Variants in SV2B observed in about 807,000 individuals in gnomAD.
SV2B encodes synaptic vesicle glycoprotein 2B, also known as solute carrier family 22 member B2.
A neutral mutation model predicts 73.9 loss-of-function variants in SV2B; 41 were observed. The ratio of observed to expected loss-of-function variants is 0.56; its 90% CI spans 0.43 to 0.72. SV2B has a LOEUF of 0.72. SV2B is among the 30% of genes least tolerant of loss of function. SV2B has a pLI of 0.00. For synonymous variants in SV2B, 314 were observed against 314.2 expected (o/e 1.00, Z 0.01); for missense variants, 764 against 857.8 (o/e 0.89, Z 1.37).
intron 9 of SV2B, among the ~76,000 whole-genome samples, chr15:91,273,740 C>A (rs914714058): frequency 2.0e-5 from 3 of 152,120 alleles, no homozygotes; most frequent in Non-Finnish European, 2.9e-5. Flanking sequence ...TTTATAAAAT[C>A]ATAAACTATG....
At chr15:91,185,019 C>T (rs1474395198) in intron 1 of SV2B, among the ~76,000 whole-genome samples, 1 of 152,236 alleles carries the variant, frequency 6.6e-6, no homozygotes, top group Non-Finnish European at 1.5e-5. Flanking sequence ...CATTCTGTCA[C>T]CGGAACTTTC....
In SV2B at chr15:91,252,340, T is replaced by C. The variant is rs752684450; in HGVS notation, c.633-29T>C. ...GACCATTTTTAGTGTATGACTTGATTCTTTCTCTCTGGCATTTTTCCTTTG... is the reference window on the plus strand; with the variant it reads ...GACCATTTTTAGTGTATGACTTGATCCTTTCTCTCTGGCATTTTTCCTTTG... On this transcript the variant is annotated intron_variant, in intron 3 of 12. Transcript: ENST00000394232. The surrounding 1 kb of genome is among the most constrained non-coding windows in gnomAD (Gnocchi z 4.6). The C allele has an allele frequency of 8.8e-6, 14 of 1,588,194 alleles. No homozygotes were observed. The highest frequency in any genetic ancestry group is 1.2e-5 in the Non-Finnish European group (14 of 1,165,710).
chr15:91,135,578 T>C (rs1295436026), intron 1 of SV2B, among the ~76,000 whole-genome samples: 1 of 152,222 alleles, frequency 6.6e-6, no homozygotes, highest in East Asian at 1.9e-4. Context: ...CACCCATAAC[T>C]GTGGGGCTGA....
chr15:91,282,898 TC>T (rs2048727852), intron 10 of SV2B, among the ~76,000 whole-genome samples: 1 of 152,216 alleles, frequency 6.6e-6, no homozygotes, highest in African/African-American at 2.4e-5. Flanking sequence ...AATAATGAGT[TC>T]CGGAAGTTTA....
At chr15:91,217,065 T>C (rs1210140342) in intron 1 of SV2B, among the ~76,000 whole-genome samples, 1 of 151,384 alleles carries the variant, frequency 6.6e-6, no homozygotes, top group Non-Finnish European at 1.5e-5. Context: ...TTAGTGGGGA[T>C]GGGGTTTCGC....
chr15:91,292,626 T>C lies in SV2B; in HGVS notation c.*74T>C, dbSNP rs2049084152. 1 of 1,534,684 alleles carries C rather than the reference T, an allele frequency of 6.5e-7. No individual in the cohort carries two copies. Among genetic ancestry groups the C allele is most frequent in the Non-Finnish European group, 8.8e-7 (1 of 1,141,148 alleles). On this transcript the variant is annotated 3_prime_UTR_variant, in exon 13 of 13. Transcript: ENST00000394232. ...GAAATGCATCCACACTTCCTGCCTATCACGGTCCGGAGGACACCTTGGATA... is the reference window on the plus strand; with the variant it reads ...GAAATGCATCCACACTTCCTGCCTACCACGGTCCGGAGGACACCTTGGATA...
At position 91,193,758 on chromosome 15, in the gene SV2B, A is replaced by G. The variant is rs988295338; in HGVS notation, c.-391-32115A>G. Among the ~76,000 whole-genome samples the G allele has an allele frequency of 2.6e-5, 4 of 152,234 alleles. No individual in the cohort carries two copies. In the South Asian group the frequency reaches 8.3e-4, roughly 32 times the overall value. ...TAATTTTCAAGTGAAGTGCTTATAA[A>G]ATAAGCACAAAAGAGATCACTGGAA... On this transcript the variant is annotated intron_variant, in intron 1 of 12. Transcript: ENST00000394232.
At chr15:91,152,839 G>A (rs1018438084) in intron 1 of SV2B, among the ~76,000 whole-genome samples, 3 of 152,164 alleles carry the variant, frequency 2.0e-5, no homozygotes, top group African/African-American at 7.2e-5. Context: ...TAAAAGAGGA[G>A]ACTCATACCA....
intron 1 of SV2B, among the ~76,000 whole-genome samples, chr15:91,221,384 G>T (rs1192788974): frequency 1.3e-5 from 2 of 152,092 alleles, no homozygotes; most frequent in African/African-American, 4.8e-5. Context: ...TTGGAACCTG[G>T]ACCCTCTAAG....
At chr15:91,271,923 C>T (rs1463603000) in intron 9 of SV2B, among the ~76,000 whole-genome samples, 1 of 152,074 alleles carries the variant, frequency 6.6e-6, no homozygotes, top group African/African-American at 2.4e-5. Flanking sequence ...TTTAAGGTTT[C>T]GATGGAAATT....
In SV2B at chr15:91,105,860, ACAACGTGGCAAAATCC is replaced by A. The variant is rs2041866903; in HGVS notation, c.-392+5502_-392+5517del. Reference sequence around the variant, plus strand: ...GCTCAGGAGTTTGAGACCAGCCTGGACAACGTGGCAAAATCCCAACTCTACAACAAATAAAAAAATT... The same window carrying A: ...GCTCAGGAGTTTGAGACCAGCCTGGACAACTCTACAACAAATAAAAAAATT... On this transcript the variant is annotated intron_variant, in intron 1 of 12. Transcript: ENST00000394232. This position sits in a 1 kb window ranked among gnomAD's most constrained non-coding sequence, Gnocchi z 5.5. 6.6e-6 allele frequency among the ~76,000 whole-genome samples: 1 copy of A among 152,082 alleles called. No individual in the cohort carries two copies. The highest frequency in any genetic ancestry group is 1.5e-5 in the Non-Finnish European group (1 of 68,008).
intron 1 of SV2B, among the ~76,000 whole-genome samples, chr15:91,142,997 G>T (rs935923077): frequency 2.6e-5 from 4 of 152,216 alleles, no homozygotes; most frequent in African/African-American, 9.6e-5. Flanking sequence ...AGAATCTGCT[G>T]CTGCTTCAGT....
intron 1 of SV2B, among the ~76,000 whole-genome samples, chr15:91,138,898 C>T (rs1264308898): frequency 1.3e-5 from 2 of 152,070 alleles, no homozygotes; most frequent in Non-Finnish European, 2.9e-5. Flanking sequence ...AAAGAGATAG[C>T]TTGGGAAACA....
chr15:91,297,015 G>T lies in SV2B; in HGVS notation c.*4463G>T, dbSNP rs1280053954. 7.2e-6 allele frequency: 1 copy of T among 138,402 alleles called. No individual in the cohort carries two copies. Among genetic ancestry groups the T allele is most frequent in the Non-Finnish European group, 1.5e-5 (1 of 65,314 alleles). 8.6% of individuals were successfully genotyped at this position (138,402 alleles called of 1,614,324 possible). A position where few individuals can be genotyped will look rare whatever the true frequency, so the allele number is the denominator to read the frequency against. On this transcript the variant is annotated 3_prime_UTR_variant, in exon 13 of 13. Transcript: ENST00000394232. The surrounding 1 kb of genome is among the most constrained non-coding windows in gnomAD (Gnocchi z 5.1). ...GGGCGCACGCTCCTTCTGCCCGATC[G>T]TTGGGCGCACGCTTCTTCTGCCTGA...
At chr15:91,150,525 G>T (rs1340841394) in intron 1 of SV2B, among the ~76,000 whole-genome samples, 5 of 152,168 alleles carry the variant, frequency 3.3e-5, no homozygotes, top group African/African-American at 1.2e-4. Flanking sequence ...TTGTCCTTCT[G>T]TTATTAAAAT....
intron 1 of SV2B, among the ~76,000 whole-genome samples, chr15:91,175,015 C>A (rs41376547): frequency 6.6e-6 from 1 of 152,104 alleles, no homozygotes; most frequent in Non-Finnish European, 1.5e-5. Flanking sequence ...ATCAGCCCTG[C>A]AGCTATGTCG....
intron 1 of SV2B, among the ~76,000 whole-genome samples, chr15:91,210,828 C>T (rs1277503541): frequency 2.0e-5 from 3 of 152,176 alleles, no homozygotes; most frequent in Non-Finnish European, 4.4e-5. Context: ...GAAGAGAGAG[C>T]CCTTTCTTTA....
rs1387987345 is a variant in SV2B at position 91,234,744 on chromosome 15, AG to A, written c.451+8033del. Among the ~76,000 whole-genome samples, 1 of 152,154 alleles carries A rather than the reference AG, an allele frequency of 6.6e-6. No individual in the cohort carries two copies. The highest frequency in any genetic ancestry group is 1.5e-5 in the Non-Finnish European group (1 of 68,016). On this transcript the variant is annotated intron_variant, in intron 2 of 12. Coordinates refer to ENST00000394232, the MANE Select transcript of SV2B (RefSeq NM_001323032.3). The surrounding 1 kb of genome is among the most constrained non-coding windows in gnomAD (Gnocchi z 5.6). The stretch of plus-strand genomic sequence containing the variant: ...AAAGGGAGGCTGAATCTCCTTGAGG[AG>A]GGACCCCAGTACACTGCCAAAAATT...
At chr15:91,213,824 G>A (rs776731392) in intron 1 of SV2B, among the ~76,000 whole-genome samples, 2 of 152,062 alleles carry the variant, frequency 1.3e-5, no homozygotes, top group Admixed American at 6.5e-5. Context: ...CCCTTTAAAG[G>A]CTCTGAACCT....
Sources: gnomAD v4.1 joint callset for allele counts (sites outside exome capture counted in the v4.1 genomes callset) on GRCh38, gnomAD v4.1.1 for gene constraint, Gnocchi (gnomAD v3.1) non-coding constraint, MANE v1.5 for transcripts, NCBI Gene and HGNC (gene_info 2026-07-23, HGNC 2026-07-21) for gene names.